ST8SIA3: variants seen among roughly 807,000 people sequenced by gnomAD.
ST8SIA3 encodes alpha-N-acetylneuraminate alpha-2,8-sialyltransferase ST8SIA3.
ST8SIA3 carries 17 observed loss-of-function variants against 34.5 expected under a neutral mutation model. That is an observed-to-expected ratio of 0.49 (90% CI 0.34 to 0.74). The LOEUF is 0.74. ST8SIA3 is among the 30% of genes least tolerant of loss of function. The pLI is 0.01. For missense variants in ST8SIA3, 354 were observed against 467.8 expected, an observed-to-expected ratio of 0.76 and a Z score of 2.24; for synonymous variants, 172 against 176.1, an observed-to-expected ratio of 0.98 and a Z score of 0.19.
chr18:57,355,911 G>C (rs1166009805), intron 2 of ST8SIA3, among the ~76,000 whole-genome samples: 1 of 152,152 alleles, frequency 6.6e-6, no homozygotes, highest in Non-Finnish European at 1.5e-5. Flanking sequence ...GATTTCAGTT[G>C]CTGTTGCCTC....
Position 57,361,103 on chromosome 18 carries a change from A to G in ST8SIA3, c.*826A>G, listed in dbSNP as rs1428614504. ...GTTGTGGATAGCATTGCGTCTCTTG[A>G]TGTAGGCATTGTTATGGCAAATAAT... On this transcript the variant is annotated 3_prime_UTR_variant, in exon 4 of 4. Transcript: ENST00000324000. 1 of 152,212 alleles carries G rather than the reference A, an allele frequency of 6.6e-6. No homozygotes were observed. Among genetic ancestry groups the G allele is most frequent in the African/African-American group, 2.4e-5 (1 of 41,440 alleles). 9.4% of individuals were successfully genotyped at this position (152,212 alleles called of 1,614,324 possible). A position where few individuals can be genotyped will look rare whatever the true frequency, so the allele number is the denominator to read the frequency against.
intron 3 of ST8SIA3, among the ~76,000 whole-genome samples, chr18:57,359,303 T>G (rs1308959590): frequency 2.0e-5 from 3 of 152,198 alleles, no homozygotes; most frequent in Non-Finnish European, 4.4e-5. Flanking sequence ...AATTTATTAT[T>G]TACACTTAAT....
In ST8SIA3 at chr18:57,363,172, C is replaced by T. The variant is rs565487929; in HGVS notation, c.*2895C>T. 1 of 152,310 alleles carries T rather than the reference C, an allele frequency of 6.6e-6. No individual in the cohort carries two copies. Among genetic ancestry groups the T allele is most frequent in the South Asian group, 2.1e-4 (1 of 4,820 alleles). 9.4% of individuals were successfully genotyped at this position (152,310 alleles called of 1,614,324 possible). A position where few individuals can be genotyped will look rare whatever the true frequency, so the allele number is the denominator to read the frequency against. ...AGCCCCCAAGGCTTTCTACCCATAA[C>T]ACCAACACAAAAAACCAATTAAGTT... is the stretch of plus-strand genomic sequence containing the variant. On this transcript the variant is annotated 3_prime_UTR_variant, in exon 4 of 4. Transcript: ENST00000324000.
intron 2 of ST8SIA3, among the ~76,000 whole-genome samples, chr18:57,355,530 C>T (rs1598902095): frequency 6.6e-6 from 1 of 152,176 alleles, no homozygotes; most frequent in East Asian, 1.9e-4. Context: ...ATATGATTAA[C>T]ATTTTAAAAA....
In ST8SIA3 at chr18:57,360,223, G is replaced by A. The variant is rs549497280; in HGVS notation, c.1089G>A (p.Leu363=). ...AGCTGCCTGCTGAGTTTCAGCTGCTGTACCGAATGCATGGGGAAGGGCTCA... is the reference window on the plus strand; with the variant it reads ...AGCTGCCTGCTGAGTTTCAGCTGCTATACCGAATGCATGGGGAAGGGCTCA... ...SHQLPAEFQL[L]YRMHGEGLTK... The change falls in exon 4 of 4, where the codon CTG becomes CTA. Residue 363 remains leucine, a synonymous_variant. Transcript: ENST00000324000. 3.1e-6 allele frequency: 5 copies of A among 1,614,082 alleles called. No individual in the cohort carries two copies. The highest frequency in any genetic ancestry group is 2.2e-5 in the South Asian group (2 of 91,082).
chr18:57,354,352 T>C, intron 1 of ST8SIA3, 50 bp from the exon 2 acceptor site: 1 of 1,609,464 alleles, frequency 6.2e-7, no homozygotes, highest in Non-Finnish European at 8.5e-7. Flanking sequence ...CTACCTCGGC[T>C]TCCCCGAGCT....
At chr18:57,358,893 C>T (rs2049813672) in intron 3 of ST8SIA3, among the ~76,000 whole-genome samples, 1 of 152,186 alleles carries the variant, frequency 6.6e-6, no homozygotes. Context: ...AAAGGGTTGT[C>T]AGAGTCATTC....
At chr18:57,354,634 CG>C (rs1278599271) in intron 2 of ST8SIA3, 110 bp downstream of exon 2, 1 of 1,284,774 alleles carries the variant, frequency 7.8e-7, no homozygotes, top group Non-Finnish European at 1.1e-6. Context: ...AACATCTATA[CG>C]CCCCACCCTC....
At position 57,360,345 on chromosome 18, in the gene ST8SIA3, G is replaced by T; in HGVS notation, c.*68G>T. ...CCCAAATCAAATTGAATAGCCTTCA[G>T]AATAGAACCCTAGAGAATGTCTTAT... is the stretch of plus-strand genomic sequence containing the variant. On this transcript the variant is annotated 3_prime_UTR_variant, in exon 4 of 4. Coordinates refer to ENST00000324000, the MANE Select transcript of ST8SIA3 (RefSeq NM_015879.3). 1 of 1,437,154 alleles carries T rather than the reference G, an allele frequency of 7.0e-7. No individual in the cohort carries two copies. The highest frequency in any genetic ancestry group is 9.5e-7 in the Non-Finnish European group (1 of 1,053,730). 89.0% of individuals were successfully genotyped at this position (1,437,154 alleles called of 1,614,324 possible). A position where few individuals can be genotyped will look rare whatever the true frequency, so the allele number is the denominator to read the frequency against.
Position 57,352,770 on chromosome 18 carries a change from A to T in ST8SIA3, c.-77A>T. 9.1e-7 allele frequency: 1 copy of T among 1,104,760 alleles called. No individual in the cohort carries two copies. Among genetic ancestry groups the T allele is most frequent in the Non-Finnish European group, 1.3e-6 (1 of 749,832 alleles). The allele number at this position is 1,104,760 out of a possible 1,614,324, so 68.4% of individuals were successfully genotyped here. Reference sequence around the variant, plus strand: ...CACACACACACACACACACACACACATATATACACGCCAGCGAGCTGCTGG... The same window carrying T: ...CACACACACACACACACACACACACTTATATACACGCCAGCGAGCTGCTGG... On this transcript the variant is annotated 5_prime_UTR_variant, in exon 1 of 4. Transcript: ENST00000324000.
intron 1 of ST8SIA3, among the ~76,000 whole-genome samples, chr18:57,353,602 G>A (rs1001184773): frequency 2.0e-5 from 3 of 150,862 alleles, no homozygotes; most frequent in African/African-American, 7.3e-5. Context: ...CCAGCTTTCC[G>A]GGATTTCTGC....
In ST8SIA3 at chr18:57,352,598, G is replaced by A. The variant is rs528384351; in HGVS notation, c.-249G>A. The A allele has an allele frequency of 6.4e-5, 33 of 516,986 alleles. No individual in the cohort carries two copies. Among genetic ancestry groups the A allele is most frequent in the African/African-American group, 5.8e-4 (29 of 49,818 alleles). The allele number at this position is 516,986 out of a possible 1,614,324, so 32.0% of individuals were successfully genotyped here. A position where few individuals can be genotyped will look rare whatever the true frequency, so the allele number is the denominator to read the frequency against. Reference sequence around the variant, plus strand: ...GCGCAGCCCCTCCATCTTCCTGCTCGGCACCGGGCCCCGCGCGCCCCTGCC... The same window carrying A: ...GCGCAGCCCCTCCATCTTCCTGCTCAGCACCGGGCCCCGCGCGCCCCTGCC... On this transcript the variant is annotated 5_prime_UTR_variant, in exon 1 of 4. Transcript: ENST00000324000.
intron 1 of ST8SIA3, 53 bp from the exon 2 acceptor site, chr18:57,354,349 G>A (rs1598901553): frequency 3.1e-6 from 5 of 1,608,978 alleles, no homozygotes; most frequent in East Asian, 4.5e-5. Flanking sequence ...TGGCTACCTC[G>A]GCTTCCCCGA....
chr18:57,365,225 A>G lies in ST8SIA3; in HGVS notation c.*4948A>G, dbSNP rs1403882920. On this transcript the variant is annotated 3_prime_UTR_variant, in exon 4 of 4. Transcript: ENST00000324000. ...ACCAGTAATATATACATCCGGAGTC[A>G]TATATACCATTTTGAACAAAGTAGC... 4 of 152,236 alleles carry G rather than the reference A, an allele frequency of 2.6e-5. No individual in the cohort carries two copies. Among genetic ancestry groups the G allele is most frequent in the African/African-American group, 4.8e-5 (2 of 41,456 alleles). 9.4% of individuals were successfully genotyped at this position (152,236 alleles called of 1,614,324 possible). A position where few individuals can be genotyped will look rare whatever the true frequency, so the allele number is the denominator to read the frequency against.
rs1476266684 is a variant in ST8SIA3 at position 57,357,430 on chromosome 18, C to A, written c.820C>A (p.Gln274Lys). Residue 274 changes from glutamine to lysine, a missense_variant, in exon 3 of 4, where the codon CAA (glutamine) becomes AAA (lysine). Gln to Lys is a moderately conservative substitution (Grantham distance 53). Around this residue, in one of 3 missense-constraint regions of ST8SIA3, gnomAD observed 166 missense variants for 245.2 expected, o/e 0.68. Coordinates refer to ENST00000324000, the MANE Select transcript of ST8SIA3 (RefSeq NM_015879.3). ...FVEHRGQLKV[Q>K]LAWPGNIMQH... ...TGAACACAGAGGTCAGTTAAAAGTCCAACTGGCTTGGCCGGGAAATATAAT... is the reference window on the plus strand; with the variant it reads ...TGAACACAGAGGTCAGTTAAAAGTCAAACTGGCTTGGCCGGGAAATATAAT... The A allele has an allele frequency of 6.2e-7, 1 of 1,612,472 alleles. No individual in the cohort carries two copies. The highest frequency in any genetic ancestry group is 8.5e-7 in the Non-Finnish European group (1 of 1,179,818).
intron 1 of ST8SIA3, 44 bp from the exon 2 acceptor site, chr18:57,354,358 G>A (rs778976321): frequency 8.7e-6 from 14 of 1,610,342 alleles, no homozygotes; most frequent in East Asian, 2.2e-5. Flanking sequence ...CGGCTTCCCC[G>A]AGCTGAGGCC....
rs2049802413 is a variant in ST8SIA3, at chr18:57,357,056, C to T, written c.446C>T (p.Pro149Leu). ...AGCAATAACTTCCGGTCACTTCTTC[C>T]AGATGTGTCACCCATTATGAACAAG... ...SISNNFRSLL[P>L]DVSPIMNKHY... Residue 149 changes from proline (P) to leucine (L), a missense_variant, in exon 3 of 4, where the codon CCA (proline) becomes CTA (leucine). Physicochemically the swap from Pro to Leu is moderately conservative, Grantham distance 98 (BLOSUM62 -3). Coordinates refer to ENST00000324000, the MANE Select transcript of ST8SIA3 (RefSeq NM_015879.3). The T allele has an allele frequency of 6.2e-7, 1 of 1,614,060 alleles. No individual in the cohort carries two copies. The highest frequency in any genetic ancestry group is 1.3e-5 in the African/African-American group (1 of 75,028).
rs1313126594 is a variant in ST8SIA3 at position 57,366,304 on chromosome 18, A to G, written c.*6027A>G. The G allele has an allele frequency of 1.3e-5, 2 of 152,552 alleles. No homozygotes were observed. The highest frequency in any genetic ancestry group is 1.3e-4 in the Admixed American group (2 of 15,280). 9.4% of individuals were successfully genotyped at this position (152,552 alleles called of 1,614,324 possible). On this transcript the variant is annotated 3_prime_UTR_variant, in exon 4 of 4. Coordinates refer to ENST00000324000, the MANE Select transcript of ST8SIA3 (RefSeq NM_015879.3). ...ATATTATTGGATCCCAAGGTGTTCA[A>G]ATATTCCACGTGACTCTTAGGAACC...
chr18:57,357,552 C>A, intron 3 of ST8SIA3, 82 bp downstream of exon 3: 1 of 1,099,052 alleles, frequency 9.1e-7, no homozygotes, highest in South Asian at 1.5e-5. Flanking sequence ...GGGAGCCATC[C>A]AATTCATTAG....
Sources: gnomAD v4.1 joint callset for allele counts (sites outside exome capture counted in the v4.1 genomes callset) on GRCh38, gnomAD v4.1.1 for gene constraint, gnomAD v4.1.1 regional missense constraint, MANE v1.5 for transcripts, NCBI Gene and HGNC (gene_info 2026-07-23, HGNC 2026-07-21) for gene names.